GTF3C1: variants seen among roughly 807,000 people sequenced by gnomAD.
GTF3C1 encodes the protein general transcription factor 3C polypeptide 1.
A neutral mutation model predicts 226.7 loss-of-function variants in GTF3C1; 57 were observed. The ratio of observed to expected loss-of-function variants is 0.25; its 90% CI spans 0.20 to 0.31. The LOEUF is 0.31. GTF3C1 is among the 10% of genes least tolerant of loss of function. The probability of loss-of-function intolerance (pLI) is 1.00; values close to 1 mark genes in which losing one functional copy is unlikely to be tolerated. For synonymous variants in GTF3C1, 1,090 were observed against 1,084.8 expected (o/e 1.00, Z -0.09); for missense variants, 2,217 against 2,776.1 (o/e 0.80, Z 4.53).
At chr16:27,526,409 T>C (rs1433162461) in intron 6 of GTF3C1, among the ~76,000 whole-genome samples, 1 of 152,344 alleles carries the variant, frequency 6.6e-6, no homozygotes, top group East Asian at 1.9e-4. Flanking sequence ...TCTCTGAGCC[T>C]AGAAACCCTC....
At position 27,463,833 on chromosome 16, in the gene GTF3C1, T is replaced by G; in HGVS notation, c.5873-241A>C. The G allele has an allele frequency of 1.8e-6, 1 of 541,944 alleles. No homozygotes were observed. Among genetic ancestry groups the G allele is most frequent in the African/African-American group, 1.9e-5 (1 of 51,320 alleles). The allele number at this position is 541,944 out of a possible 1,614,324, so 33.6% of individuals were successfully genotyped here. On this transcript the variant is annotated intron_variant, in intron 34 of 36. Coordinates refer to ENST00000356183, the MANE Select transcript of GTF3C1 (RefSeq NM_001520.4). This position sits in a 1 kb window ranked among gnomAD's most constrained non-coding sequence, Gnocchi z 4.9. ...GTCCCAGGCCCGGACAAGCCCCACA[T>G]TGCAGGAAGCCAGCGAACACCTCAT...
chr16:27,512,199 C>G (rs1490181808), intron 6 of GTF3C1, among the ~76,000 whole-genome samples: 1 of 152,240 alleles, frequency 6.6e-6, no homozygotes, highest in Non-Finnish European at 1.5e-5. Flanking sequence ...CCTTCTCCTG[C>G]TGGAGACCAG....
chr16:27,505,681 T>C (rs2088473051), intron 10 of GTF3C1, among the ~76,000 whole-genome samples: 1 of 152,154 alleles, frequency 6.6e-6, no homozygotes, highest in Non-Finnish European at 1.5e-5. Flanking sequence ...AGCCACTGGG[T>C]GGATAACCAT....
chr16:27,468,173 C>A (rs986110859), intron 32 of GTF3C1, among the ~76,000 whole-genome samples: 1 of 152,212 alleles, frequency 6.6e-6, no homozygotes, highest in African/African-American at 2.4e-5. Context: ...TGGGATGGAA[C>A]TGCTGCAATC....
intron 6 of GTF3C1, among the ~76,000 whole-genome samples, chr16:27,519,305 T>C (rs1222914502): frequency 6.6e-6 from 1 of 152,220 alleles, no homozygotes; most frequent in African/African-American, 2.4e-5. Flanking sequence ...GGAAGGTTTC[T>C]ATGCCAACCA....
chr16:27,520,936 C>T (rs1567408380), intron 6 of GTF3C1, among the ~76,000 whole-genome samples: 1 of 152,224 alleles, frequency 6.6e-6, no homozygotes. Flanking sequence ...CCAGGCTGAT[C>T]TTGAACTCCT....
chr16:27,547,997 C>G (rs953537662), intron 1 of GTF3C1, among the ~76,000 whole-genome samples: 15 of 152,162 alleles, frequency 9.9e-5, no homozygotes, highest in African/African-American at 3.4e-4. Flanking sequence ...GGGTTCTTCC[C>G]TTGCTAGTTG....
At chr16:27,532,434 A>C (rs2141445360) in intron 5 of GTF3C1, among the ~76,000 whole-genome samples, 1 of 152,314 alleles carries the variant, frequency 6.6e-6, no homozygotes, top group Middle Eastern at 3.4e-3. Context: ...TTCAGTTTTA[A>C]GTTCTGGTTT....
rs1596611105 is a variant in GTF3C1, at chr16:27,464,787, C to T, written c.5405G>A (p.Arg1802His). The T allele has an allele frequency of 1.3e-6, 2 of 1,542,058 alleles. No individual in the cohort carries two copies. Among genetic ancestry groups the T allele is most frequent in the Non-Finnish European group, 1.7e-6 (2 of 1,157,288 alleles). Residue 1802 changes from arginine (R) to histidine (H), a missense_variant, in exon 34 of 37, where the codon CGC becomes CAC. Arg to His is a conservative substitution (Grantham distance 29). Transcript: ENST00000356183. Reference protein sequence around the residue: ...QVLEVGGNTARLVAMGSAWPW... With the variant: ...QVLEVGGNTAHLVAMGSAWPW... Reference sequence around the variant, plus strand: ...CCAGGCAGAGCCCATGGCTACCAGGCGCGCAGTGTTGCCACCGACCTCCAG... The same window carrying T: ...CCAGGCAGAGCCCATGGCTACCAGGTGCGCAGTGTTGCCACCGACCTCCAG...
rs1308038969 is a variant in GTF3C1 at position 27,462,611 on chromosome 16, C to G, written c.5925-125G>C. 1.0e-5 allele frequency: 7 copies of G among 671,934 alleles called. No individual in the cohort carries two copies. The highest frequency in any genetic ancestry group is 2.7e-5 in the East Asian group (1 of 36,702). The allele number at this position is 671,934 out of a possible 1,614,324, so 41.6% of individuals were successfully genotyped here. A position where few individuals can be genotyped will look rare whatever the true frequency, so the allele number is the denominator to read the frequency against. On this transcript the variant is annotated intron_variant, in intron 35 of 36. Transcript: ENST00000356183. The surrounding 1 kb of genome is among the most constrained non-coding windows in gnomAD (Gnocchi z 4.5). Reference sequence around the variant, plus strand: ...GTCACAGGGCTGAGACCAGCCACCTCTTGCTCTCTGCTTTCCAAACTCCCT... The same window carrying G: ...GTCACAGGGCTGAGACCAGCCACCTGTTGCTCTCTGCTTTCCAAACTCCCT...
Position 27,495,431 on chromosome 16 carries a change from G to C in GTF3C1, c.2412C>G (p.His804Gln), listed in dbSNP as rs758788246. The change falls in exon 15 of 37, where the codon CAC becomes CAG. Residue 804 changes from histidine to glutamine, a missense_variant. Coordinates refer to ENST00000356183, the MANE Select transcript of GTF3C1 (RefSeq NM_001520.4). ...CGTAGATGAGGTACCACAGAAACAT[G>C]TGGACCACCCGCAGGCGAGGCATTT... Reference protein sequence around the residue: ...LPKMPRLRVVHMFLWYLIYGH... With the variant: ...LPKMPRLRVVQMFLWYLIYGH... 6.2e-7 allele frequency: 1 copy of C among 1,614,116 alleles called. No individual in the cohort carries two copies. The highest frequency in any genetic ancestry group is 1.1e-5 in the South Asian group (1 of 91,060).
intron 12 of GTF3C1, among the ~76,000 whole-genome samples, chr16:27,500,496 T>C (rs1245201806): frequency 6.6e-6 from 1 of 152,078 alleles, no homozygotes; most frequent in African/African-American, 2.4e-5. Flanking sequence ...GAAAACAAAA[T>C]ATCAATGCAG....
intron 6 of GTF3C1, among the ~76,000 whole-genome samples, chr16:27,521,612 G>C (rs558666072): frequency 3.3e-5 from 5 of 152,262 alleles, no homozygotes; most frequent in African/African-American, 1.2e-4. Flanking sequence ...GGACTCAGCA[G>C]AAGTTACTCA....
In GTF3C1 at chr16:27,463,955, G is replaced by A; in HGVS notation, c.5873-363C>T. The A allele has an allele frequency of 2.4e-6, 1 of 422,726 alleles. No individual in the cohort carries two copies. 26.2% of individuals were successfully genotyped at this position (422,726 alleles called of 1,614,324 possible). On this transcript the variant is annotated intron_variant, in intron 34 of 36. Coordinates refer to ENST00000356183, the MANE Select transcript of GTF3C1 (RefSeq NM_001520.4). The surrounding 1 kb of genome is among the most constrained non-coding windows in gnomAD (Gnocchi z 4.9). Reference sequence around the variant, plus strand: ...ACGCCCAGAGAAGCCACATGAGAAGGCCGCTGCTGATGACAGACGTGCAGG... The same window carrying A: ...ACGCCCAGAGAAGCCACATGAGAAGACCGCTGCTGATGACAGACGTGCAGG...
intron 29 of GTF3C1, among the ~76,000 whole-genome samples, chr16:27,475,868 C>T (rs1311971611): frequency 1.3e-5 from 2 of 152,212 alleles, no homozygotes; most frequent in African/African-American, 2.4e-5. Flanking sequence ...CAATTACTTT[C>T]TCAGGTCCTT....
Position 27,505,901 on chromosome 16 carries a change from T to G in GTF3C1, c.1768A>C (p.Lys590Gln). 6.4e-7 allele frequency: 1 copy of G among 1,574,234 alleles called. No individual in the cohort carries two copies. The highest frequency in any genetic ancestry group is 8.7e-7 in the Non-Finnish European group (1 of 1,143,774). The part of the protein sequence containing the change: ...VIEEVRMENP[K>Q]ESSSSLKTGR... ...TCCCTCCCTCTGCATGCACTGACCT[T>G]TGGGTTTTCCATCCGGACCTCCTCG... The change falls in exon 10 of 37, where the codon AAG becomes CAG. Residue 590 changes from lysine to glutamine, a missense_variant and splice_region_variant. Lys to Gln is a moderately conservative substitution (Grantham distance 53). Transcript: ENST00000356183.
chr16:27,539,899 T>A (rs113686578), intron 2 of GTF3C1, among the ~76,000 whole-genome samples: 60 of 152,290 alleles, frequency 3.9e-4, no homozygotes, highest in African/African-American at 1.2e-3. Flanking sequence ...TTACCCAGTT[T>A]GTGGTATTCT....
intron 4 of GTF3C1, among the ~76,000 whole-genome samples, chr16:27,537,150 C>T (rs2089012892): frequency 1.3e-5 from 2 of 152,176 alleles, no homozygotes; most frequent in Admixed American, 6.5e-5. Context: ...TGCAAAACAT[C>T]CAATTTGAAA....
rs956945267 is a variant in GTF3C1 at position 27,489,702 on chromosome 16, C to T, written c.3193G>A (p.Asp1065Asn). 4 of 1,612,196 alleles carry T rather than the reference C, an allele frequency of 2.5e-6. No homozygotes were observed. The African/African-American group carries it at 5.3e-5, about 21-fold the overall frequency. The part of the protein sequence containing the change: ...CPRVRKNSST[D>N]QGSDEEGSLQ... Reference sequence around the variant, plus strand: ...CTGCCCTCCTCGTCGCTGCCCTGGTCTGTGCTGCTGTTCTTCCTGACGCGC... The same window carrying T: ...CTGCCCTCCTCGTCGCTGCCCTGGTTTGTGCTGCTGTTCTTCCTGACGCGC... Residue 1065 changes from aspartate (D) to asparagine (N), a missense_variant, in exon 20 of 37, where the codon GAC becomes AAC. By Grantham distance (23) the Asp-to-Asn change is conservative (BLOSUM62 1). Coordinates refer to ENST00000356183, the MANE Select transcript of GTF3C1 (RefSeq NM_001520.4).
Sources: allele counts gnomAD v4.1 joint callset (sites outside exome capture counted in the v4.1 genomes callset), GRCh38; gene constraint gnomAD v4.1.1; non-coding constraint Gnocchi (gnomAD v3.1); transcripts MANE v1.5; gene names NCBI Gene and HGNC (gene_info 2026-07-23, HGNC 2026-07-21).